The following SFT2D2 variants were observed in gnomAD, a reference collection of about 807,000 sequenced individuals.
SFT2D2 encodes SFT2 domain containing 2.
SFT2D2 carries 21 observed loss-of-function variants against 27.4 expected under a neutral mutation model. The ratio of observed to expected loss-of-function variants is 0.77; its 90% CI spans 0.54 to 1.10. The LOEUF is 1.10. Ranked by LOEUF, SFT2D2 falls within the 50% of genes least tolerant of loss-of-function variation. The pLI, the probability that SFT2D2 is intolerant of heterozygous loss-of-function variation, is 0.00. For missense variants in SFT2D2, 187 were observed against 194.2 expected (o/e 0.96, Z 0.22); for synonymous variants, 72 against 71.7 (o/e 1.00, Z -0.02).
chr1:168,231,496 T>TCC lies in SFT2D2; in HGVS notation c.64-18_64-17insCC. 1 of 1,580,818 alleles carries TCC rather than the reference T, an allele frequency of 6.3e-7. No homozygotes were observed. The highest frequency in any genetic ancestry group is 8.7e-7 in the Non-Finnish European group (1 of 1,152,888). The stretch of plus-strand genomic sequence containing the variant: ...AGTAAATGTGTGTGTATATGTATTT[T>TCC]TTTTTTTTCAATTTTAGGTTGTTGA... On this transcript the variant is annotated splice_polypyrimidine_tract_variant and intron_variant, in intron 1 of 7. Coordinates refer to ENST00000271375, the MANE Select transcript of SFT2D2 (RefSeq NM_199344.3).
chr1:168,239,442 G>A lies in SFT2D2; in HGVS notation c.443+282G>A, dbSNP rs112343177. Among the ~76,000 whole-genome samples, 306 of 146,826 alleles carry A rather than the reference G, an allele frequency of 2.1e-3. 3 individuals are homozygous for A. Among genetic ancestry groups the A allele is most frequent in the African/African-American group, 7.3e-3 (289 of 39,676 alleles). On this transcript the variant is annotated intron_variant, in intron 7 of 7. Transcript: ENST00000271375. Reference sequence around the variant, plus strand: ...ATGCACATTATTACTCTTTTAACCCGTAGCTTTGAGTAGGGTTTTTTTTTT... The same window carrying A: ...ATGCACATTATTACTCTTTTAACCCATAGCTTTGAGTAGGGTTTTTTTTTT...
At position 168,235,502 on chromosome 1, in the gene SFT2D2, A is replaced by C. The variant is rs116368137; in HGVS notation, c.318+320A>C. On this transcript the variant is annotated intron_variant, in intron 4 of 7. Transcript: ENST00000271375. ...CACCTTCCTGGTGACTGTGGAAGCC[A>C]CACACAGGCAGGGCTTAGAGGGAAT... Among the ~76,000 whole-genome samples the C allele has an allele frequency of 4.0e-3, 615 of 152,340 alleles. 1 individual carries two copies. The highest frequency in any genetic ancestry group is 0.014 in the African/African-American group (599 of 41,580).
rs1268191625 is a variant in SFT2D2, at chr1:168,246,708, C to T, written c.*4168C>T. ...CATTCAGTCTACGATGGTATGATTC[C>T]ATTTCGTCAGTCTTTGCCTGCTTTG... On this transcript the variant is annotated 3_prime_UTR_variant, in exon 8 of 8. Transcript: ENST00000271375. The T allele has an allele frequency of 9.8e-7, 1 of 1,025,366 alleles. No homozygotes were observed. Among genetic ancestry groups the T allele is most frequent in the Non-Finnish European group, 1.5e-6 (1 of 671,046 alleles). 63.5% of individuals were successfully genotyped at this position (1,025,366 alleles called of 1,614,324 possible).
chr1:168,235,824 G>T (rs961126027), intron 4 of SFT2D2, among the ~76,000 whole-genome samples: 7 of 152,062 alleles, frequency 4.6e-5, no homozygotes, highest in Non-Finnish European at 8.8e-5. Context: ...TATAGCTATT[G>T]CAACATTTGG....
At chr1:168,239,389 A>G (rs1167923935) in intron 7 of SFT2D2, among the ~76,000 whole-genome samples, 6 of 152,000 alleles carry the variant, frequency 3.9e-5, no homozygotes, top group Admixed American at 6.6e-5. Context: ...AATGCTGTGA[A>G]CATTCTACTC....
At chr1:168,234,962 G>A (rs747645203) in intron 3 of SFT2D2, 139 bp from the exon 4 acceptor site, 86 of 754,360 alleles carry the variant, frequency 1.1e-4, no homozygotes, top group Admixed American at 2.7e-4. Flanking sequence ...AAAAATGCAC[G>A]AAAGGCCCTT....
chr1:168,240,091 C>T (rs1242115667), intron 7 of SFT2D2, among the ~76,000 whole-genome samples: 11 of 149,012 alleles, frequency 7.4e-5, no homozygotes, highest in Non-Finnish European at 1.5e-4. Flanking sequence ...AGGAGAATGG[C>T]GTGAACCCAG....
At position 168,249,899 on chromosome 1, in the gene SFT2D2, C is replaced by T. The variant is rs974009907; in HGVS notation, c.*7359C>T. On this transcript the variant is annotated 3_prime_UTR_variant, in exon 8 of 8. Coordinates refer to ENST00000271375, the MANE Select transcript of SFT2D2 (RefSeq NM_199344.3). ...AACTTTGGAAGATGAGAGTGAATGT[C>T]TCCGATCATTAATTTATTTAACAAA... The T allele has an allele frequency of 4.6e-5, 7 of 152,112 alleles. No homozygotes were observed. The highest frequency in any genetic ancestry group is 1.7e-4 in the African/African-American group (7 of 41,406). 9.4% of individuals were successfully genotyped at this position (152,112 alleles called of 1,614,324 possible).
In SFT2D2 at chr1:168,251,800, G is replaced by A. The variant is rs1647958143; in HGVS notation, c.*9260G>A. On this transcript the variant is annotated 3_prime_UTR_variant, in exon 8 of 8. Transcript: ENST00000271375. ...AAAAGTGAATAGATGTTTAACTGAA[G>A]TTAAATACAAATTTATGTCTGTGTA... 1 of 151,800 alleles carries A rather than the reference G, an allele frequency of 6.6e-6. No homozygotes were observed. The highest frequency in any genetic ancestry group is 6.6e-5 in the Admixed American group (1 of 15,242). The allele number at this position is 151,800 out of a possible 1,614,324, so 9.4% of individuals were successfully genotyped here. A position where few individuals can be genotyped will look rare whatever the true frequency, so the allele number is the denominator to read the frequency against.
In SFT2D2 at chr1:168,248,601, A is replaced by G. The variant is rs998474956; in HGVS notation, c.*6061A>G. 3.9e-5 allele frequency: 6 copies of G among 152,228 alleles called. No homozygotes were observed. The highest frequency in any genetic ancestry group is 6.5e-5 in the Admixed American group (1 of 15,284). 9.4% of individuals were successfully genotyped at this position (152,228 alleles called of 1,614,324 possible). A position where few individuals can be genotyped will look rare whatever the true frequency, so the allele number is the denominator to read the frequency against. ...GAATTTTGTTGAATGCCTTTTCTGC[A>G]TCTATTGAGTTAGGGAGGATTCCCT... On this transcript the variant is annotated 3_prime_UTR_variant, in exon 8 of 8. Transcript: ENST00000271375.
In SFT2D2 at chr1:168,231,848, G is replaced by A; in HGVS notation, c.165G>A (p.Leu55=). ...TTAAATTCCAGGGTACTGTTCTGCT[G>A]TGGGTGCCCAGGAAGGGACTACACC... The part of the protein sequence containing the change: ...ILCSLLGTVL[L]WVPRKGLHLF... Residue 55 remains leucine (L), a synonymous_variant, in exon 3 of 8, where the codon CTG becomes CTA. Coordinates refer to ENST00000271375, the MANE Select transcript of SFT2D2 (RefSeq NM_199344.3). 6.2e-7 allele frequency: 1 copy of A among 1,614,172 alleles called. No homozygotes were observed. Among genetic ancestry groups the A allele is most frequent in the Non-Finnish European group, 8.5e-7 (1 of 1,180,014 alleles).
At chr1:168,238,407 A>C (rs1448404799) in intron 6 of SFT2D2, among the ~76,000 whole-genome samples, 2 of 152,090 alleles carry the variant, frequency 1.3e-5, no homozygotes, top group East Asian at 3.8e-4. Context: ...TGTAATGCCA[A>C]GACTTTGGGA....
Position 168,242,750 on chromosome 1 carries a change from G to T in SFT2D2, c.*210G>T. 1 of 593,668 alleles carries T rather than the reference G, an allele frequency of 1.7e-6. No homozygotes were observed. Among genetic ancestry groups the T allele is most frequent in the Non-Finnish European group, 3.0e-6 (1 of 332,132 alleles). 36.8% of individuals were successfully genotyped at this position (593,668 alleles called of 1,614,324 possible). On this transcript the variant is annotated 3_prime_UTR_variant, in exon 8 of 8. Transcript: ENST00000271375. ...GTCAGTAGCACAGGATGAGAAGTGG[G>T]TTCTGTATCTTGTGGAGTGGAATCT...
chr1:168,231,422 A>G, intron 1 of SFT2D2, 92 bp from the exon 2 acceptor site: 1 of 1,079,992 alleles, frequency 9.3e-7, no homozygotes, highest in Non-Finnish European at 1.4e-6. Context: ...TGCCTTCCCT[A>G]ATACAACTTA....
At chr1:168,236,095 C>G (rs1057081397) in intron 4 of SFT2D2, among the ~76,000 whole-genome samples, 4 of 152,212 alleles carry the variant, frequency 2.6e-5, no homozygotes, top group African/African-American at 9.7e-5. Flanking sequence ...CTGGACAAGT[C>G]TCTTGCAGAA....
In SFT2D2 at chr1:168,252,818, TG is replaced by T. The variant is rs1647978127; in HGVS notation, c.*10279del. ...AACTAATTTTGAATGCTACTGATTG[TG>T]TAACTGAATTTTTGTATCCAAAAAT... On this transcript the variant is annotated 3_prime_UTR_variant, in exon 8 of 8. Transcript: ENST00000271375. 2 of 152,264 alleles carry T rather than the reference TG, an allele frequency of 1.3e-5. No homozygotes were observed. Among genetic ancestry groups the T allele is most frequent in the Non-Finnish European group, 2.9e-5 (2 of 68,042 alleles). 9.4% of individuals were successfully genotyped at this position (152,264 alleles called of 1,614,324 possible). A position where few individuals can be genotyped will look rare whatever the true frequency, so the allele number is the denominator to read the frequency against.
intron 6 of SFT2D2, among the ~76,000 whole-genome samples, chr1:168,238,116 G>A (rs971003117): frequency 2.6e-5 from 4 of 152,100 alleles, no homozygotes; most frequent in African/African-American, 4.8e-5. Flanking sequence ...ACAGTGCCTG[G>A]TTCTTTAGCA....
chr1:168,235,337 C>CT (rs575312539), intron 4 of SFT2D2, among the ~76,000 whole-genome samples, 155 bp downstream of exon 4: 6 of 152,276 alleles, frequency 3.9e-5, no homozygotes, highest in Admixed American at 1.3e-4. Context: ...AGGGAACACT[C>CT]TAAGTAATAC....
At chr1:168,239,058 A>G in intron 6 of SFT2D2, 73 bp from the exon 7 acceptor site, 1 of 1,138,728 alleles carries the variant, frequency 8.8e-7, no homozygotes, top group Non-Finnish European at 1.3e-6. Flanking sequence ...CTTACAGCTC[A>G]GAAGCCCATT....
Sources: allele counts gnomAD v4.1 joint callset (sites outside exome capture counted in the v4.1 genomes callset), GRCh38; gene constraint gnomAD v4.1.1; transcripts MANE v1.5; gene names NCBI Gene and HGNC (gene_info 2026-07-23, HGNC 2026-07-21).